The following TMCO4 variants were observed in gnomAD, a reference collection of about 807,000 sequenced individuals.
TMCO4 encodes transmembrane and coiled-coil domains 4.
Under a neutral mutation model 64.7 loss-of-function variants are expected in TMCO4, and 58 were observed. The ratio of observed to expected loss-of-function variants is 0.90; its 90% confidence interval spans 0.73 to 1.12. The LOEUF is 1.12. Ranked by LOEUF, TMCO4 falls within the 50% of genes most tolerant of loss-of-function variation. The probability of loss-of-function intolerance (pLI) is 0.00; values close to 1 mark genes in which losing one functional copy is unlikely to be tolerated. For synonymous variants in TMCO4, 325 were observed against 346.1 expected (o/e 0.94, Z 0.68); for missense variants, 780 against 825.9 (o/e 0.94, Z 0.68).
intron 2 of TMCO4, among the ~76,000 whole-genome samples, chr1:19,795,128 G>A (rs183806816): frequency 1.2e-4 from 18 of 152,072 alleles, no homozygotes; most frequent in African/African-American, 3.6e-4. Flanking sequence ...AAATGATTAC[G>A]ATGGTAAATT....
intron 4 of TMCO4, 82 bp downstream of exon 4, chr1:19,780,498 C>G (rs1571012318): frequency 1.3e-6 from 2 of 1,485,120 alleles, no homozygotes; most frequent in East Asian, 2.4e-5. Flanking sequence ...ATTGCCTCAT[C>G]GTGCCTGGCA....
intron 12 of TMCO4, 145 bp downstream of exon 12, chr1:19,739,679 G>C (rs2095470251): frequency 2.7e-6 from 3 of 1,108,440 alleles, no homozygotes; most frequent in South Asian, 1.6e-5. Context: ...ACTTGAACTG[G>C]AGAGGCAGCA....
intron 15 of TMCO4, among the ~76,000 whole-genome samples, chr1:19,685,710 C>CTTTCTTT (rs1477655913): frequency 9.4e-6 from 1 of 106,616 alleles, no homozygotes; most frequent in East Asian, 2.7e-4. Context: ...AGGCCTGTTT[C>CTTTCTTT]TTTTTTTTTT....
intron 6 of TMCO4, among the ~76,000 whole-genome samples, chr1:19,768,305 T>G (rs1445331052): frequency 1.3e-5 from 2 of 152,212 alleles, no homozygotes; most frequent in African/African-American, 4.8e-5. Flanking sequence ...TTCTATGTGC[T>G]GAGCTGCTGC....
At chr1:19,707,917 C>T (rs1557486429) in intron 13 of TMCO4, among the ~76,000 whole-genome samples, 1 of 152,100 alleles carries the variant, frequency 6.6e-6, no homozygotes, top group Non-Finnish European at 1.5e-5. Context: ...TGTGACACAC[C>T]TTTAAGCAAC....
At chr1:19,745,454 A>G (rs1297147429) in intron 10 of TMCO4, 78 bp downstream of exon 10, 21 of 1,600,616 alleles carry the variant, frequency 1.3e-5, no homozygotes, top group Non-Finnish European at 1.8e-5. Context: ...TCCCTAGTGC[A>G]GGTAAAAACC....
chr1:19,757,152 G>A (rs1000117437), intron 6 of TMCO4, among the ~76,000 whole-genome samples: 9 of 122,068 alleles, frequency 7.4e-5, no homozygotes, highest in African/African-American at 2.3e-4. Context: ...TTAGCCAGGC[G>A]TGGTGGCGGG....
At chr1:19,700,690 TC>T in intron 14 of TMCO4, 77 bp downstream of exon 14, 1 of 1,266,006 alleles carries the variant, frequency 7.9e-7, no homozygotes, top group Admixed American at 1.8e-5. Context: ...CAAATATGTG[TC>T]CCCAACACAG....
chr1:19,718,820 G>C (rs2095368912), intron 13 of TMCO4, among the ~76,000 whole-genome samples: 2 of 152,042 alleles, frequency 1.3e-5, no homozygotes, highest in Non-Finnish European at 2.9e-5. Flanking sequence ...TTAGTTTGGA[G>C]AGGAGCAGGT....
At chr1:19,765,318 ACTCAGAATCT>A (rs1294915402) in intron 6 of TMCO4, among the ~76,000 whole-genome samples, 1 of 152,174 alleles carries the variant, frequency 6.6e-6, no homozygotes, top group African/African-American at 2.4e-5. Flanking sequence ...CTCTGCAATA[ACTCAGAATCT>A]ATGTAAGCGG....
At chr1:19,773,049 G>A (rs1371223624) in intron 4 of TMCO4, among the ~76,000 whole-genome samples, 2 of 152,126 alleles carry the variant, frequency 1.3e-5, no homozygotes, top group Non-Finnish European at 2.9e-5. Flanking sequence ...AATTAGCTGG[G>A]CGTGGTGGCA....
intron 6 of TMCO4, among the ~76,000 whole-genome samples, chr1:19,759,694 A>T (rs1286884853): frequency 6.6e-6 from 1 of 152,092 alleles, no homozygotes; most frequent in African/African-American, 2.4e-5. Flanking sequence ...CTCCACTTAA[A>T]TATCACTTCC....
At chr1:19,780,422 G>A (rs565470643) in intron 4 of TMCO4, among the ~76,000 whole-genome samples, 158 bp downstream of exon 4, 2 of 152,278 alleles carry the variant, frequency 1.3e-5, no homozygotes, top group East Asian at 1.9e-4. Flanking sequence ...GACCAGTACT[G>A]GTCCACGGCC....
intron 12 of TMCO4, among the ~76,000 whole-genome samples, chr1:19,739,318 G>T (rs1434535072): frequency 2.6e-5 from 4 of 152,118 alleles, no homozygotes; most frequent in Admixed American, 2.6e-4. Flanking sequence ...ATGGTATTTA[G>T]ACCACCAAAG....
At chr1:19,780,868 C>A (rs1422086830) in intron 3 of TMCO4, 102 bp from the exon 4 acceptor site, 2 of 1,010,956 alleles carry the variant, frequency 2.0e-6, no homozygotes, top group Non-Finnish European at 2.8e-6. Context: ...ATAAAGTAGG[C>A]ATCATTAAAA....
chr1:19,700,857 G>A lies in TMCO4; in HGVS notation c.1293C>T (p.Ile431=). ...CTCCCTCCACAGGCGCACCCAGCAG[G>A]ATGACGTCCTCGATGATTCCTTGGC... ...KDCQGIIEDV[I]LLGAPVEGEA... is the part of the protein sequence containing the mutation. The change falls in exon 14 of 16, where the codon ATC becomes ATT. Residue 431 remains isoleucine, a synonymous_variant. Coordinates refer to ENST00000294543, the MANE Select transcript of TMCO4 (RefSeq NM_181719.7). 1 of 1,614,214 alleles carries A rather than the reference G, an allele frequency of 6.2e-7. No homozygotes were observed. Among genetic ancestry groups the A allele is most frequent in the East Asian group, 2.2e-5 (1 of 44,884 alleles).
At chr1:19,737,186 A>G (rs1290033641) in intron 13 of TMCO4, among the ~76,000 whole-genome samples, 186 bp downstream of exon 13, 1 of 152,232 alleles carries the variant, frequency 6.6e-6, no homozygotes, top group East Asian at 1.9e-4. Context: ...TAATGTATGT[A>G]TATAAAATCA....
intron 3 of TMCO4, among the ~76,000 whole-genome samples, chr1:19,784,978 G>C (rs1238583360): frequency 6.6e-6 from 1 of 152,098 alleles, no homozygotes; most frequent in Non-Finnish European, 1.5e-5. Flanking sequence ...GATTGGACAA[G>C]CTTAAATGTC....
At position 19,739,952 on chromosome 1, in the gene TMCO4, C is replaced by A; in HGVS notation, c.1051G>T (p.Ala351Ser). ...LKYTVLSGIV[A>S]ALTWPASLLS... Reference sequence around the variant, plus strand: ...AGTGAGGCTGGCCAGGTCAGGGCAGCCACAATGCCTGGGGAGGTGAGATAG... The same window carrying A: ...AGTGAGGCTGGCCAGGTCAGGGCAGACACAATGCCTGGGGAGGTGAGATAG... The change falls in exon 12 of 16, where the codon GCT (alanine) becomes TCT (serine). Residue 351 changes from alanine to serine, a missense_variant. Transcript: ENST00000294543. 6.2e-7 allele frequency: 1 copy of A among 1,612,740 alleles called. No homozygotes were observed. Among genetic ancestry groups the A allele is most frequent in the Non-Finnish European group, 8.5e-7 (1 of 1,179,400 alleles).
Sources: gnomAD v4.1 joint callset for allele counts (sites outside exome capture counted in the v4.1 genomes callset) on GRCh38, gnomAD v4.1.1 for gene constraint, MANE v1.5 for transcripts, NCBI Gene and HGNC (gene_info 2026-07-23, HGNC 2026-07-21) for gene names.